The following RPS15A variants were observed in gnomAD, a reference collection of about 807,000 sequenced individuals.
RPS15A encodes the protein small ribosomal subunit protein uS8.
For missense variants in RPS15A, 62 were observed against 163.4 expected, an observed-to-expected ratio of 0.38 and a Z score of 3.38; for synonymous variants, 55 against 58.5, an observed-to-expected ratio of 0.94 and a Z score of 0.27.
At position 18,782,617 on chromosome 16, in the gene RPS15A, G is replaced by A. The variant is rs554483771; in HGVS notation, c.*392C>T. The stretch of plus-strand genomic sequence containing the variant: ...CACACTTGTAATCCCAGTTACTCAG[G>A]CGGCTGAGACAGGACAATCACTTGA... On this transcript the variant is annotated 3_prime_UTR_variant, in exon 5 of 5. Coordinates refer to ENST00000322989, the MANE Select transcript of RPS15A (RefSeq NM_001019.5). 1 of 157,102 alleles carries A rather than the reference G, an allele frequency of 6.4e-6. No individual in the cohort carries two copies. The highest frequency in any genetic ancestry group is 6.2e-5 in the Admixed American group (1 of 16,092). The allele number at this position is 157,102 out of a possible 1,614,324, so 9.7% of individuals were successfully genotyped here.
At chr16:18,783,696 A>G in intron 4 of RPS15A, 1 of 456,074 alleles carries the variant, frequency 2.2e-6, no homozygotes, top group Non-Finnish European at 4.4e-6. Context: ...CCAGACGCAT[A>G]ATTTGGAGGG....
chr16:18,788,489 CTTTCTT>C, intron 2 of RPS15A: 1 of 231,856 alleles, frequency 4.3e-6, no homozygotes, highest in Non-Finnish European at 8.4e-6. Context: ...AGAGTCCTTT[CTTTCTT>C]TTTTTTTTTT....
At chr16:18,786,440 C>A (rs1481631640) in intron 3 of RPS15A, 3 of 154,922 alleles carry the variant, frequency 1.9e-5, no homozygotes, top group African/African-American at 4.8e-5. Flanking sequence ...TACCACAGAA[C>A]AAGGGTGCCA....
Position 18,782,727 on chromosome 16 carries a change from A to T in RPS15A, c.*282T>A. On this transcript the variant is annotated 3_prime_UTR_variant, in exon 5 of 5. Coordinates refer to ENST00000322989, the MANE Select transcript of RPS15A (RefSeq NM_001019.5). ...ATAGAGTCAGACTCTGTCTCCAAAAAAGAAAAAAAAAAAAAAAAACTGAAA... is the reference window on the plus strand; with the variant it reads ...ATAGAGTCAGACTCTGTCTCCAAAATAGAAAAAAAAAAAAAAAAACTGAAA... The T allele has an allele frequency of 4.4e-6, 1 of 225,100 alleles. No homozygotes were observed. The highest frequency in any genetic ancestry group is 8.5e-6 in the Non-Finnish European group (1 of 117,882). The allele number at this position is 225,100 out of a possible 1,614,324, so 13.9% of individuals were successfully genotyped here. A position where few individuals can be genotyped will look rare whatever the true frequency, so the allele number is the denominator to read the frequency against.
At chr16:18,789,760 A>T (rs1042033937) in intron 1 of RPS15A, 4 of 152,280 alleles carry the variant, frequency 2.6e-5, no homozygotes, top group Admixed American at 6.5e-5. Flanking sequence ...TGAAGTTTTG[A>T]AAGACCAAAG....
Position 18,782,288 on chromosome 16 carries a change from T to G in RPS15A, c.*721A>C. ...TCCAGCCTGTGTGACAGAGCGACTT[T>G]GTCTTAAAAAAAAAAAAAAAAAAAA... On this transcript the variant is annotated 3_prime_UTR_variant, in exon 5 of 5. Coordinates refer to ENST00000322989, the MANE Select transcript of RPS15A (RefSeq NM_001019.5). 1 of 102,126 alleles carries G rather than the reference T, an allele frequency of 9.8e-6. No individual in the cohort carries two copies. Among genetic ancestry groups the G allele is most frequent in the African/African-American group, 3.5e-5 (1 of 28,962 alleles). The allele number at this position is 102,126 out of a possible 1,614,324, so 6.3% of individuals were successfully genotyped here.
In RPS15A at chr16:18,782,293, T is replaced by TTA. The variant is rs1300824571; in HGVS notation, c.*715_*716insTA. 87 of 87,940 alleles carry TTA rather than the reference T, an allele frequency of 9.9e-4. No homozygotes were observed. The highest frequency in any genetic ancestry group is 3.5e-3 in the African/African-American group (84 of 23,842). The allele number at this position is 87,940 out of a possible 1,614,324, so 5.4% of individuals were successfully genotyped here. On this transcript the variant is annotated 3_prime_UTR_variant, in exon 5 of 5. Transcript: ENST00000322989. Reference sequence around the variant, plus strand: ...CCTGTGTGACAGAGCGACTTTGTCTTAAAAAAAAAAAAAAAAAAAAAAAAA... The same window carrying TTA: ...CCTGTGTGACAGAGCGACTTTGTCTTTAAAAAAAAAAAAAAAAAAAAAAAAAA...
At chr16:18,789,467 G>T (rs943315787) in intron 1 of RPS15A, among the ~76,000 whole-genome samples, 1 of 152,210 alleles carries the variant, frequency 6.6e-6, no homozygotes, top group African/African-American at 2.4e-5. Flanking sequence ...GCCAGCTACC[G>T]GAAGGAAAAC....
At chr16:18,789,455 C>A (rs925160240) in intron 1 of RPS15A, among the ~76,000 whole-genome samples, 8 of 152,248 alleles carry the variant, frequency 5.3e-5, no homozygotes, top group Non-Finnish European at 1.0e-4. Flanking sequence ...CTGGCAGAAA[C>A]TGCCAGCTAC....
At chr16:18,786,631 A>C (rs895631356) in intron 3 of RPS15A, 3 of 151,764 alleles carry the variant, frequency 2.0e-5, no homozygotes, top group African/African-American at 7.3e-5. Context: ...GTTAAAGAAA[A>C]ATCAGCAGTC....
intron 4 of RPS15A, chr16:18,783,458 G>A: frequency 3.0e-6 from 1 of 336,412 alleles, no homozygotes; most frequent in South Asian, 2.6e-5. Context: ...AGTTTGAATT[G>A]TGTTTCTGCC....
At chr16:18,783,170 A>T (rs1903991599) in intron 4 of RPS15A, 68 bp from the exon 5 acceptor site, 1 of 1,016,374 alleles carries the variant, frequency 9.8e-7, no homozygotes, top group African/African-American at 1.6e-5. Context: ...AGTGCAGAAA[A>T]ACATCAACAC....
intron 4 of RPS15A, 176 bp from the exon 5 acceptor site, chr16:18,783,278 C>A: frequency 1.8e-6 from 1 of 558,676 alleles, no homozygotes; most frequent in Non-Finnish European, 3.2e-6. Flanking sequence ...ATGACTCCTG[C>A]AACCCAAAGA....
rs949051345 is a variant in RPS15A at position 18,782,910 on chromosome 16, G to A, written c.*99C>T. 1.2e-5 allele frequency: 8 copies of A among 689,980 alleles called. No homozygotes were observed. The highest frequency in any genetic ancestry group is 1.8e-5 in the African/African-American group (1 of 55,712). 42.7% of individuals were successfully genotyped at this position (689,980 alleles called of 1,614,324 possible). A position where few individuals can be genotyped will look rare whatever the true frequency, so the allele number is the denominator to read the frequency against. ...ATAAACGAAGCAACTGCATGCTGCC[G>A]CAGAAGCTGTGGCTACACTGCTGTA... On this transcript the variant is annotated 3_prime_UTR_variant, in exon 5 of 5. Transcript: ENST00000322989.
At chr16:18,788,456 C>G (rs1273577877) in intron 2 of RPS15A, 1 of 326,852 alleles carries the variant, frequency 3.1e-6, no homozygotes, top group Admixed American at 4.6e-5. Flanking sequence ...TCTTTCCTCT[C>G]AAAGAGCTCT....
At chr16:18,788,826 G>C (rs2029953994) in intron 2 of RPS15A, 155 bp downstream of exon 2, 2 of 740,136 alleles carry the variant, frequency 2.7e-6, no homozygotes, top group Non-Finnish European at 2.2e-6. Flanking sequence ...CTCTTCAGCA[G>C]TTTCAGACTA....
chr16:18,788,216 C>A, intron 2 of RPS15A, 74 bp from the exon 3 acceptor site: 1 of 907,398 alleles, frequency 1.1e-6, no homozygotes, highest in South Asian at 1.4e-5. Flanking sequence ...CTAGCCTACT[C>A]AATTCTTCAC....
intron 4 of RPS15A, chr16:18,783,606 T>C (rs1385076508): frequency 2.2e-6 from 1 of 454,734 alleles, no homozygotes; most frequent in East Asian, 6.9e-5. Context: ...GTATCATAAT[T>C]ACAAAGAGAA....
intron 4 of RPS15A, chr16:18,783,625 G>A (rs1043774822): frequency 4.0e-5 from 18 of 455,102 alleles, no homozygotes; most frequent in Admixed American, 7.1e-5. Context: ...AAATGATTTT[G>A]GTGAGAATAC....
Sources: allele counts gnomAD v4.1 joint callset (sites outside exome capture counted in the v4.1 genomes callset), GRCh38; gene constraint gnomAD v4.1.1; transcripts MANE v1.5; gene names NCBI Gene and HGNC (gene_info 2026-07-23, HGNC 2026-07-21).